ST7: variants seen among roughly 807,000 people sequenced by gnomAD.
ST7 encodes suppressor of tumorigenicity 7 protein.
A neutral mutation model predicts 78.7 loss-of-function variants in ST7; 28 were observed. The ratio of observed to expected loss-of-function variants is 0.36; its 90% CI spans 0.26 to 0.49. ST7 has a LOEUF of 0.49. ST7 is among the 20% of genes least tolerant of loss of function. ST7 has a pLI of 0.99. For synonymous variants in ST7, 247 were observed against 249.6 expected (o/e 0.99, Z 0.10); for missense variants, 418 against 696.0 (o/e 0.60, Z 4.49).
At chr7:116,967,382 T>C (rs923882392) in intron 1 of ST7, 2 of 471,190 alleles carry the variant, frequency 4.2e-6, no homozygotes, top group African/African-American at 4.0e-5. Flanking sequence ...TTAGGACTGC[T>C]GTCCCCTCTC....
chr7:117,029,147 G>A (rs879541916), intron 1 of ST7, among the ~76,000 whole-genome samples: 1 of 151,976 alleles, frequency 6.6e-6, no homozygotes, highest in African/African-American at 2.4e-5. Context: ...AAATACCTAG[G>A]CATGCCATTG....
At chr7:116,980,806 A>G (rs867754699) in intron 1 of ST7, among the ~76,000 whole-genome samples, 2 of 152,362 alleles carry the variant, frequency 1.3e-5, no homozygotes, top group Middle Eastern at 6.8e-3. Flanking sequence ...TCTTCAAAAT[A>G]ACCACAGTAT....
At chr7:117,068,522 G>A (rs981287643) in intron 1 of ST7, among the ~76,000 whole-genome samples, 1 of 152,164 alleles carries the variant, frequency 6.6e-6, no homozygotes, top group Non-Finnish European at 1.5e-5. Context: ...TAATTGAGCG[G>A]TGCTCCTGAA....
chr7:117,051,439 G>T (rs1433450476), intron 1 of ST7, among the ~76,000 whole-genome samples: 2 of 152,210 alleles, frequency 1.3e-5, no homozygotes, highest in Non-Finnish European at 2.9e-5. Flanking sequence ...AGCCCTGAGA[G>T]GGAAAGAGCT....
In ST7 at chr7:117,119,587, A is replaced by G. The variant is rs1803196855; in HGVS notation, c.261A>G (p.Lys87=). The G allele has an allele frequency of 6.2e-7, 1 of 1,612,116 alleles. No individual in the cohort carries two copies. The highest frequency in any genetic ancestry group is 1.3e-5 in the African/African-American group (1 of 74,842). ...ILIFEWWYFR[K]YGTSFIEQVS... is the part of the protein sequence containing the mutation. ...TATTTGAATGGTGGTATTTTCGCAA[A>G]TACGGAACTTCATTCATTGAACAAG... Residue 87 remains lysine (K), a synonymous_variant, in exon 3 of 16, where the codon AAA becomes AAG. Transcript: ENST00000323984.
At chr7:116,955,961 A>G (rs1399437053) in intron 1 of ST7, among the ~76,000 whole-genome samples, 4 of 152,134 alleles carry the variant, frequency 2.6e-5, no homozygotes, top group Admixed American at 2.6e-4. Flanking sequence ...TTTCATGCTC[A>G]TTTCAGTCAT....
chr7:117,221,259 G>A (rs1793068900), intron 14 of ST7, among the ~76,000 whole-genome samples: 1 of 152,134 alleles, frequency 6.6e-6, no homozygotes, highest in Non-Finnish European at 1.5e-5. Flanking sequence ...TTTTTTTGAT[G>A]ATTGTTGGAA....
chr7:117,129,949 T>C, intron 4 of ST7, 102 bp downstream of exon 4: 1 of 796,228 alleles, frequency 1.3e-6, no homozygotes, highest in African/African-American at 1.8e-5. Flanking sequence ...TGTAACAGTC[T>C]ATGTAGTGCG....
intron 1 of ST7, among the ~76,000 whole-genome samples, chr7:117,047,765 T>G (rs1797565777): frequency 6.6e-6 from 1 of 152,222 alleles, no homozygotes; most frequent in Non-Finnish European, 1.5e-5. Flanking sequence ...TTCTAGAAAT[T>G]GGCCTGAGAG....
chr7:117,075,561 G>C (rs1163546272), intron 1 of ST7, among the ~76,000 whole-genome samples: 1 of 152,320 alleles, frequency 6.6e-6, no homozygotes, highest in Non-Finnish European at 1.5e-5. Flanking sequence ...GAGATGGAAA[G>C]ATGTGTTTGT....
At chr7:117,209,209 C>T (rs534426405) in intron 12 of ST7, among the ~76,000 whole-genome samples, 3 of 152,098 alleles carry the variant, frequency 2.0e-5, no homozygotes, top group East Asian at 1.9e-4. Flanking sequence ...GGGAAAGGAT[C>T]GAAGAGTGTC....
intron 15 of ST7, among the ~76,000 whole-genome samples, chr7:117,227,733 A>G (rs1051446337): frequency 6.6e-6 from 1 of 152,190 alleles, no homozygotes; most frequent in Non-Finnish European, 1.5e-5. Flanking sequence ...GTCTCCCATG[A>G]TGCCTTCCAA....
At chr7:117,211,480 C>A (rs541282643) in intron 13 of ST7, among the ~76,000 whole-genome samples, 11 of 152,098 alleles carry the variant, frequency 7.2e-5, no homozygotes, top group African/African-American at 1.2e-4. Context: ...CAGGGTTGAA[C>A]GGGAGAGGCC....
At chr7:117,070,851 C>T (rs1475666861) in intron 1 of ST7, among the ~76,000 whole-genome samples, 2 of 151,998 alleles carry the variant, frequency 1.3e-5, no homozygotes, top group East Asian at 3.9e-4. Flanking sequence ...CCAATGTGAG[C>T]ATGTTTAACA....
At chr7:117,114,049 C>T (rs958128606) in intron 2 of ST7, among the ~76,000 whole-genome samples, 8 of 152,106 alleles carry the variant, frequency 5.3e-5, no homozygotes, top group Non-Finnish European at 1.2e-4. Flanking sequence ...CTTAAAGTCT[C>T]GGCAACAGGT....
chr7:117,152,185 A>T lies in ST7; in HGVS notation c.963+13653A>T, dbSNP rs1437191612. The stretch of plus-strand genomic sequence containing the variant: ...TATTATATATATAAAAACTATATAT[A>T]TATATATATATATATATATATATAT... On this transcript the variant is annotated intron_variant, in intron 9 of 15. Transcript: ENST00000323984. 3.4e-3 allele frequency among the ~76,000 whole-genome samples: 147 copies of T among 43,210 alleles called. 4 individuals are homozygous for T. The highest frequency in any genetic ancestry group is 0.029 in the African/African-American group (138 of 4,800). The allele number at this position is 43,210 out of a possible 152,430, so 28.3% of individuals were successfully genotyped here. A position where few individuals can be genotyped will look rare whatever the true frequency, so the allele number is the denominator to read the frequency against.
At chr7:117,008,910 T>A (rs1795265523) in intron 1 of ST7, among the ~76,000 whole-genome samples, 1 of 152,070 alleles carries the variant, frequency 6.6e-6, no homozygotes, top group Non-Finnish European at 1.5e-5. Flanking sequence ...CGCTGAAAAA[T>A]TTTCAAAAGA....
chr7:117,136,132 T>C lies in ST7; in HGVS notation c.762T>C (p.Ala254=). The C allele has an allele frequency of 1.9e-6, 3 of 1,613,582 alleles. No homozygotes were observed. Among genetic ancestry groups the C allele is most frequent in the Non-Finnish European group, 2.5e-6 (3 of 1,179,662 alleles). ...CTGAAGAGGAAGCAACAACCATTGC[T>C]GAAGCAGAAAAATTATTTAAGCAGG... ...LLAEEEATTI[A]EAEKLFKQAL... is the part of the protein sequence containing the mutation. Residue 254 remains alanine (A), a synonymous_variant, in exon 8 of 16, where the codon GCT becomes GCC. Transcript: ENST00000323984.
At chr7:117,186,084 A>G (rs940641630) in intron 10 of ST7, among the ~76,000 whole-genome samples, 1 of 152,196 alleles carries the variant, frequency 6.6e-6, no homozygotes, top group African/African-American at 2.4e-5. Flanking sequence ...TAACTTTTGC[A>G]GTTTTGAGGT....
Sources: gnomAD v4.1 joint callset for allele counts (sites outside exome capture counted in the v4.1 genomes callset) on GRCh38, gnomAD v4.1.1 for gene constraint, MANE v1.5 for transcripts, NCBI Gene and HGNC (gene_info 2026-07-23, HGNC 2026-07-21) for gene names.